The following SLC28A2 variants were observed in gnomAD, a reference collection of about 807,000 sequenced individuals.
The protein encoded by SLC28A2 is sodium/nucleoside cotransporter 2.
In SLC28A2, 69 loss-of-function variants were observed where a neutral mutation model predicts 72.9. That is an observed-to-expected ratio of 0.95 (90% CI 0.78 to 1.16). The LOEUF (loss-of-function observed/expected upper bound fraction) is 1.16. Among genes scored for constraint, SLC28A2 ranks in the 50% most tolerant of loss-of-function variants. The pLI, the probability that SLC28A2 is intolerant of heterozygous loss-of-function variation, is 0.00. For missense variants in SLC28A2, 745 were observed against 791.1 expected (o/e 0.94, Z 0.70); for synonymous variants, 296 against 294.1 (o/e 1.01, Z -0.07).
At chr15:45,272,549 C>A (rs878914127) in intron 16 of SLC28A2, 124 bp from the exon 17 acceptor site, 2 of 810,396 alleles carry the variant, frequency 2.5e-6, no homozygotes, top group African/African-American at 1.7e-5. Flanking sequence ...TTTACCCATG[C>A]ATTCCACAGA....
intron 10 of SLC28A2, among the ~76,000 whole-genome samples, chr15:45,266,924 G>A (rs982588242): frequency 3.3e-5 from 5 of 152,122 alleles, no homozygotes; most frequent in Admixed American, 2.6e-4. Flanking sequence ...TTAAATAATA[G>A]ATACCATTAT....
chr15:45,269,273 T>A, intron 13 of SLC28A2, 65 bp from the exon 14 acceptor site: 2 of 1,348,604 alleles, frequency 1.5e-6, no homozygotes, highest in Non-Finnish European at 2.1e-6. Flanking sequence ...CCAGAGAAGG[T>A]CCTTGGCACC....
At chr15:45,254,846 T>C (rs982851343) in intron 3 of SLC28A2, among the ~76,000 whole-genome samples, 8 of 152,348 alleles carry the variant, frequency 5.3e-5, no homozygotes, top group Admixed American at 5.2e-4. Flanking sequence ...AAATTCTTTG[T>C]AAGTTTTTCA....
At chr15:45,256,792 G>A (rs940020430) in intron 3 of SLC28A2, among the ~76,000 whole-genome samples, 1 of 152,056 alleles carries the variant, frequency 6.6e-6, no homozygotes, top group Non-Finnish European at 1.5e-5. Flanking sequence ...AACCCACATA[G>A]ATTTCTTGTT....
At chr15:45,258,232 T>C (rs1900034387) in intron 3 of SLC28A2, among the ~76,000 whole-genome samples, 1 of 150,130 alleles carries the variant, frequency 6.7e-6, no homozygotes. Flanking sequence ...AAAATATATA[T>C]ACTATATATT....
chr15:45,264,772 T>G lies in SLC28A2; in HGVS notation c.702+4T>G, dbSNP rs747455914. The stretch of plus-strand genomic sequence containing the variant: ...GTGGCTGGGAGAGCAGGTCCAGGTA[T>G]GAGAAATTAAATGCGAGGGCTTTTC... On this transcript the variant is annotated splice_donor_region_variant and intron_variant, in intron 7 of 17. Transcript: ENST00000347644. 2.5e-6 allele frequency: 4 copies of G among 1,572,806 alleles called. No homozygotes were observed. Among genetic ancestry groups the G allele is most frequent in the Non-Finnish European group, 2.6e-6 (3 of 1,142,504 alleles).
At chr15:45,272,004 C>A in intron 15 of SLC28A2, 1 of 319,222 alleles carries the variant, frequency 3.1e-6, no homozygotes, top group Non-Finnish European at 5.8e-6. Flanking sequence ...CTGGAGAAAC[C>A]CAGAGCCTTG....
At chr15:45,262,975 A>G (rs1900207159) in intron 4 of SLC28A2, 86 bp from the exon 5 acceptor site, 5 of 1,187,670 alleles carry the variant, frequency 4.2e-6, no homozygotes, top group Middle Eastern at 2.9e-4. Flanking sequence ...TTCTTGCTCT[A>G]AGTCCCAGGC....
intron 1 of SLC28A2, among the ~76,000 whole-genome samples, chr15:45,252,617 A>G (rs901320782): frequency 3.9e-5 from 6 of 152,250 alleles, no homozygotes; most frequent in Non-Finnish European, 7.3e-5. Context: ...GATCATTAAC[A>G]TTCATACTAA....
chr15:45,260,140 C>T (rs1184280100), intron 3 of SLC28A2, among the ~76,000 whole-genome samples: 12 of 152,140 alleles, frequency 7.9e-5, no homozygotes, highest in Non-Finnish European at 5.9e-5. Context: ...AAGCAGTGAA[C>T]AGTTACTATT....
intron 15 of SLC28A2, among the ~76,000 whole-genome samples, chr15:45,271,581 G>GAAGGAAGGAAGGAAGGAAGA (rs1295481253): frequency 5.5e-5 from 8 of 145,844 alleles, no homozygotes; most frequent in African/African-American, 2.1e-4. Flanking sequence ...AGAAGAAAAG[G>GAAGGAAGGAAGGAAGGAAGA]AAGGAAGGAA....
intron 3 of SLC28A2, among the ~76,000 whole-genome samples, chr15:45,257,564 T>C (rs1022666770): frequency 6.6e-6 from 1 of 152,236 alleles, no homozygotes; most frequent in African/African-American, 2.4e-5. Flanking sequence ...AATTTCTTCA[T>C]GTGTACATTT....
chr15:45,268,483 G>C (rs1404953750), intron 13 of SLC28A2, 105 bp downstream of exon 13: 5 of 927,410 alleles, frequency 5.4e-6, no homozygotes, highest in Non-Finnish European at 8.1e-6. Context: ...TCTCACACCA[G>C]TTAGAATGGC....
At chr15:45,271,537 G>A (rs1333162898) in intron 15 of SLC28A2, among the ~76,000 whole-genome samples, 7 of 148,040 alleles carry the variant, frequency 4.7e-5, no homozygotes, top group African/African-American at 1.8e-4. Flanking sequence ...ACTCCGGCAT[G>A]GGTGACATGG....
At position 45,266,169 on chromosome 15, in the gene SLC28A2, C is replaced by T. The variant is rs1254156569; in HGVS notation, c.942+8C>T. On this transcript the variant is annotated splice_region_variant and intron_variant, in intron 10 of 17. Transcript: ENST00000347644. The stretch of plus-strand genomic sequence containing the variant: ...AACATCTTTGTGGGTATGGTAAGCA[C>T]CTTGAGGACTTTTGGTCTTCTTCCC... The T allele has an allele frequency of 1.2e-6, 2 of 1,602,844 alleles. No individual in the cohort carries two copies. Among genetic ancestry groups the T allele is most frequent in the Non-Finnish European group, 1.7e-6 (2 of 1,169,746 alleles).
Position 45,267,593 on chromosome 15 carries a change from T to G in SLC28A2, c.1068+13T>G, listed in dbSNP as rs1228239520. ...CATAGCCTTTGGGGTAGGCATAGTC[T>G]GCTTGATCACTCCTGGGTGAACTCG... On this transcript the variant is annotated intron_variant, in intron 11 of 17. Transcript: ENST00000347644. The G allele has an allele frequency of 4.3e-6, 7 of 1,614,122 alleles. No individual in the cohort carries two copies. The highest frequency in any genetic ancestry group is 1.1e-5 in the South Asian group (1 of 91,082).
chr15:45,262,192 AT>A, intron 4 of SLC28A2, 86 bp downstream of exon 4: 1 of 892,624 alleles, frequency 1.1e-6, no homozygotes, highest in Non-Finnish European at 1.9e-6. Context: ...GGTGGAAGGC[AT>A]TTTTATTCAA....
In SLC28A2 at chr15:45,253,467, T is replaced by C. The variant is rs201840540; in HGVS notation, c.117T>C (p.Thr39=). The C allele has an allele frequency of 1.2e-4, 188 of 1,613,934 alleles. 1 individual carries two copies. Among genetic ancestry groups the C allele is most frequent in the Admixed American group, 2.2e-4 (13 of 60,004 alleles). ...TAGAGCCTGAGGGAAGCAAGAGGAC[T>C]GACGCACAAGGACACAGCCTGGGGG... is the stretch of plus-strand genomic sequence containing the variant. The part of the protein sequence containing the change: ...KEVEPEGSKR[T]DAQGHSLGDG... Residue 39 remains threonine, a synonymous_variant, in exon 3 of 18, where the codon ACT becomes ACC. Transcript: ENST00000347644.
chr15:45,253,212 G>A lies in SLC28A2; in HGVS notation c.-4G>A, dbSNP rs1478858561. On this transcript the variant is annotated 5_prime_UTR_variant, in exon 2 of 18. Transcript: ENST00000347644. The stretch of plus-strand genomic sequence containing the variant: ...ATTTGTTTTTCAGTTGAGGAGAACA[G>A]GAGATGGAGAAAGCAAGTGGAAGAC... The A allele has an allele frequency of 6.2e-7, 1 of 1,609,906 alleles. No homozygotes were observed. Among genetic ancestry groups the A allele is most frequent in the Non-Finnish European group, 8.5e-7 (1 of 1,176,492 alleles).
Sources: gnomAD v4.1 joint callset for allele counts (sites outside exome capture counted in the v4.1 genomes callset) on GRCh38, gnomAD v4.1.1 for gene constraint, MANE v1.5 for transcripts, NCBI Gene and HGNC (gene_info 2026-07-23, HGNC 2026-07-21) for gene names.